Variants in INF2 observed in about 807,000 individuals in gnomAD.
INF2 encodes inverted formin 2.
INF2 carries 43 observed loss-of-function variants against 123.5 expected under a neutral mutation model. The ratio of observed to expected loss-of-function variants is 0.35; its 90% confidence interval spans 0.27 to 0.45. The LOEUF is 0.45. Ranked by LOEUF, INF2 falls within the 20% of genes least tolerant of loss-of-function variation. The pLI, the probability that INF2 is intolerant of heterozygous loss-of-function variation, is 1.00. For synonymous variants in INF2, 851 were observed against 745.0 expected (o/e 1.14, Z -2.32); for missense variants, 1,453 against 1,682.7 (o/e 0.86, Z 2.39).
At position 104,699,785 on chromosome 14, in the gene INF2, A is replaced by G. The variant is rs7153151; in HGVS notation, c.-9-1572A>G. 0.18 allele frequency among the ~76,000 whole-genome samples: 27,097 copies of G among 152,092 alleles called. 3,866 individuals are homozygous for G. The highest frequency in any genetic ancestry group is 0.4 in the African/African-American group (16,577 of 41,452). ...GGCAGCCTGGTGCTGGAGGTGCAGAAGAAGAAACTGAGGCCCAGGCAGGAT... is the reference window on the plus strand; with the variant it reads ...GGCAGCCTGGTGCTGGAGGTGCAGAGGAAGAAACTGAGGCCCAGGCAGGAT... On this transcript the variant is annotated intron_variant, in intron 1 of 22. Transcript: ENST00000392634. This position sits in a 1 kb window ranked among gnomAD's most constrained non-coding sequence, Gnocchi z 4.7.
intron 22 of INF2, among the ~76,000 whole-genome samples, chr14:104,717,942 G>A (rs907961890): frequency 6.6e-6 from 1 of 152,068 alleles, no homozygotes; most frequent in Non-Finnish European, 1.5e-5. Context: ...TGCCACTGCC[G>A]TGCATTTGAT....
chr14:104,711,313 G>A (rs978435696), intron 15 of INF2, 127 bp downstream of exon 15: 20 of 834,858 alleles, frequency 2.4e-5, no homozygotes, highest in East Asian at 1.1e-4. Flanking sequence ...TCAGGGCTCC[G>A]TCTAGAGCCA....
Position 104,701,606 on chromosome 14 carries a change from C to T in INF2, c.241C>T (p.Leu81=), listed in dbSNP as rs1263365649. 6.2e-7 allele frequency: 1 copy of T among 1,605,000 alleles called. No individual in the cohort carries two copies. The highest frequency in any genetic ancestry group is 8.5e-7 in the Non-Finnish European group (1 of 1,178,184). The change falls in exon 2 of 23, where the codon CTG becomes TTG. Residue 81 remains leucine, a synonymous_variant. Coordinates refer to ENST00000392634, the MANE Select transcript of INF2 (RefSeq NM_022489.4). ...CGGCCTGGACCTGCTGCTGGAGGCG[C>T]TGGCGCGGCTGTCGGGCCGCGGCGT... ...QSGLDLLLEA[L]ARLSGRGVAR... is the part of the protein sequence containing the mutation.
Position 104,711,899 on chromosome 14 carries a change from G to A in INF2, c.2489+200G>A, listed in dbSNP as rs148878017. Among the ~76,000 whole-genome samples, 464 of 152,310 alleles carry A rather than the reference G, an allele frequency of 3.0e-3. 2 individuals are homozygous for A. Among genetic ancestry groups the A allele is most frequent in the African/African-American group, 0.011 (438 of 41,554 alleles). On this transcript the variant is annotated intron_variant, in intron 16 of 22. Coordinates refer to ENST00000392634, the MANE Select transcript of INF2 (RefSeq NM_022489.4). ...TGGCCTATCCCCTTCTGACTTAAGC[G>A]AGGAAACAGGCCTAGAGTGGGCAAG...
upstream of INF2, among the ~76,000 whole-genome samples, chr14:104,686,953 T>C (rs1888678266): frequency 6.6e-6 from 1 of 152,274 alleles, no homozygotes; most frequent in South Asian, 2.1e-4. Context: ...GCAGGGCCAC[T>C]CTTGCACTCT....
chr14:104,683,368 T>C (rs1351396977), intron 1 of INF2, among the ~76,000 whole-genome samples: 1 of 152,060 alleles, frequency 6.6e-6, no homozygotes, highest in Non-Finnish European at 1.5e-5. Context: ...AGAGCCTAGC[T>C]CCCCTGGGTG....
chr14:104,711,998 C>G (rs1413599822), intron 16 of INF2, among the ~76,000 whole-genome samples: 1 of 152,172 alleles, frequency 6.6e-6, no homozygotes, highest in Non-Finnish European at 1.5e-5. Context: ...TCACGACAGC[C>G]GTGAGCAGGC....
At chr14:104,693,961 A>C (rs1464115490) in intron 1 of INF2, among the ~76,000 whole-genome samples, 1 of 152,142 alleles carries the variant, frequency 6.6e-6, no homozygotes, top group Non-Finnish European at 1.5e-5. Flanking sequence ...ACCTGTCCCC[A>C]CCTGCCTCTG....
intron 1 of INF2, among the ~76,000 whole-genome samples, chr14:104,698,625 G>C (rs1170166672): frequency 1.3e-5 from 2 of 152,238 alleles, no homozygotes; most frequent in African/African-American, 4.8e-5. Flanking sequence ...GGGGCCAGTG[G>C]CCAGATTGCG....
intron 8 of INF2, 149 bp from the exon 9 acceptor site, chr14:104,708,287 G>A (rs1189144328): frequency 7.8e-6 from 8 of 1,029,534 alleles, no homozygotes; most frequent in Non-Finnish European, 1.1e-5. Context: ...CAGGTAGGGA[G>A]GTAGGGTGCC....
intron 1 of INF2, among the ~76,000 whole-genome samples, chr14:104,683,680 T>C (rs999396507): frequency 1.4e-5 from 2 of 142,926 alleles, no homozygotes; most frequent in South Asian, 2.2e-4. Context: ...ACCTACAAAG[T>C]CTTGGCACTA....
At position 104,699,322 on chromosome 14, in the gene INF2, G is replaced by GA; in HGVS notation, c.-9-2032dup. The GA allele has an allele frequency of 1.1e-6, 1 of 877,272 alleles. No homozygotes were observed. The highest frequency in any genetic ancestry group is 1.4e-6 in the Non-Finnish European group (1 of 731,604). The allele number at this position is 877,272 out of a possible 1,614,324, so 54.3% of individuals were successfully genotyped here. A position where few individuals can be genotyped will look rare whatever the true frequency, so the allele number is the denominator to read the frequency against. On this transcript the variant is annotated intron_variant, in intron 1 of 22. Transcript: ENST00000392634. This position sits in a 1 kb window ranked among gnomAD's most constrained non-coding sequence, Gnocchi z 4.7. ...ACTCCGGCCAATGGAGGCGGGGGAG[G>GA]AAAGGAGGGTCAGTTCTGGGGCCTC...
chr14:104,713,012 C>A lies in INF2; in HGVS notation c.2775+20C>A, dbSNP rs532636302. The A allele has an allele frequency of 5.3e-5, 85 of 1,611,782 alleles. No individual in the cohort carries two copies. The African/African-American group carries it at 1.1e-3, about 20-fold the overall frequency. On this transcript the variant is annotated intron_variant, in intron 18 of 22. Coordinates refer to ENST00000392634, the MANE Select transcript of INF2 (RefSeq NM_022489.4). ...CTGAAGGTGGGGCAGCCCGGCGGGA[C>A]ACAGCCTGTCTGGCTAGAGTGGGGT... is the stretch of plus-strand genomic sequence containing the variant.
intron 1 of INF2, among the ~76,000 whole-genome samples, chr14:104,695,355 C>G (rs1889134756): frequency 6.6e-6 from 1 of 152,114 alleles, no homozygotes; most frequent in South Asian, 2.1e-4. Context: ...CCAGCCCAGA[C>G]CCCTGAGAAC....
At position 104,707,336 on chromosome 14, in the gene INF2, C is replaced by A; in HGVS notation, c.1069C>A (p.His357Asn). 6.2e-7 allele frequency: 1 copy of A among 1,602,088 alleles called. No individual in the cohort carries two copies. Among genetic ancestry groups the A allele is most frequent in the East Asian group, 2.3e-5 (1 of 44,210 alleles). ...RPRPSPLVKAHKSVQANLDQS... is the reference protein window; with the variant it reads ...RPRPSPLVKANKSVQANLDQS... ...CAGACCGAGCCCCCTGGTCAAGGCC[C>A]ATAAAAGCGTCCAGGCCAACCTAGA... Residue 357 changes from histidine (H) to asparagine (N), a missense_variant, in exon 8 of 23, where the codon CAT becomes AAT. Around this residue, in one of 8 missense-constraint regions of INF2, gnomAD observed 374 missense variants for 303.7 expected, o/e 1.23. Transcript: ENST00000392634.
At chr14:104,704,325 A>T in intron 5 of INF2, 2 of 491,698 alleles carry the variant, frequency 4.1e-6, no homozygotes, top group Non-Finnish European at 6.6e-6. Flanking sequence ...GGAGACAGGG[A>T]CACGGGCTCC....
At position 104,707,032 on chromosome 14, in the gene INF2, CG is replaced by C; in HGVS notation, c.967del (p.Val323CysfsTer42). 6.3e-7 allele frequency: 1 copy of C among 1,584,142 alleles called. No individual in the cohort carries two copies. Among genetic ancestry groups the C allele is most frequent in the Non-Finnish European group, 8.5e-7 (1 of 1,173,120 alleles). Reference protein sequence around the residue: ...EALESLVNRAVLLASDAQECT... With the variant: ...EALESLVNRAXLLASDAQECT... The stretch of plus-strand genomic sequence containing the variant: ...CCCTGGAGAGCCTCGTGAACCGGGC[CG>C]TGCTCCTGGCCAGCGATGGTGAGGG... On this transcript the variant is annotated frameshift_variant, in exon 7 of 23. Coordinates refer to ENST00000392634, the MANE Select transcript of INF2 (RefSeq NM_022489.4). LOFTEE classifies it high-confidence loss of function.
intron 1 of INF2, among the ~76,000 whole-genome samples, chr14:104,698,380 G>C (rs533758206): frequency 6.6e-5 from 10 of 152,386 alleles, no homozygotes; most frequent in African/African-American, 2.4e-4. Flanking sequence ...GCTCGCTGTA[G>C]CAGGGAGTCG....
Position 104,712,618 on chromosome 14 carries a change from T to C in INF2, c.2610+65T>C, listed in dbSNP as rs1402649177. Reference sequence around the variant, plus strand: ...GCCCTGATAGAGTGAGCTGGGCGAGTGGCTGTGCTGTCTCCTGGCTCCAGG... The same window carrying C: ...GCCCTGATAGAGTGAGCTGGGCGAGCGGCTGTGCTGTCTCCTGGCTCCAGG... On this transcript the variant is annotated intron_variant, in intron 17 of 22. Transcript: ENST00000392634. 7 of 1,606,194 alleles carry C rather than the reference T, an allele frequency of 4.4e-6. No individual in the cohort carries two copies. In the East Asian group the frequency reaches 1.6e-4, roughly 36 times the overall value.
Sources: gnomAD v4.1 joint callset for allele counts (sites outside exome capture counted in the v4.1 genomes callset) on GRCh38, gnomAD v4.1.1 for gene constraint, gnomAD v4.1.1 regional missense constraint, Gnocchi (gnomAD v3.1) non-coding constraint, MANE v1.5 for transcripts, NCBI Gene and HGNC (gene_info 2026-07-23, HGNC 2026-07-21) for gene names.